The following CHRDL2 variants were observed in gnomAD, a reference collection of about 807,000 sequenced individuals.
CHRDL2 encodes chordin-like protein 2.
Under a neutral mutation model 54.3 loss-of-function variants are expected in CHRDL2, and 41 were observed. The ratio of observed to expected loss-of-function variants is 0.76; its 90% confidence interval spans 0.59 to 0.98. CHRDL2 has a LOEUF of 0.98. Among genes scored for constraint, CHRDL2 ranks in the 50% least tolerant of loss-of-function variants. The pLI is 0.00. For synonymous variants in CHRDL2, 220 were observed against 224.3 expected (o/e 0.98, Z 0.17); for missense variants, 518 against 562.4 (o/e 0.92, Z 0.80).
At chr11:74,713,853 G>C (rs1191028349) in intron 2 of CHRDL2, among the ~76,000 whole-genome samples, 1 of 152,144 alleles carries the variant, frequency 6.6e-6, no homozygotes, top group African/African-American at 2.4e-5. Flanking sequence ...GAGCCTTGTG[G>C]TCAAGAAAGG....
intron 4 of CHRDL2, among the ~76,000 whole-genome samples, chr11:74,710,639 A>C (rs1278864384): frequency 2.0e-5 from 3 of 152,140 alleles, no homozygotes; most frequent in Non-Finnish European, 4.4e-5. Context: ...GGGGAAACAG[A>C]AGGCTCAGGA....
chr11:74,728,519 G>T (rs2034604270), intron 1 of CHRDL2, among the ~76,000 whole-genome samples: 1 of 99,084 alleles, frequency 1.0e-5, no homozygotes, highest in African/African-American at 3.8e-5. Flanking sequence ...ACCCAGGTCT[G>T]TTCTGTTTTT....
At chr11:74,727,907 C>T (rs774741123) in intron 1 of CHRDL2, among the ~76,000 whole-genome samples, 2 of 152,068 alleles carry the variant, frequency 1.3e-5, no homozygotes, top group Non-Finnish European at 2.9e-5. Context: ...CACAAAGAGC[C>T]GAGTGTCTAG....
chr11:74,704,665 C>A lies in CHRDL2; in HGVS notation c.583-11G>T. Reference sequence around the variant, plus strand: ...ATCCTGAGGATGTCTCTGCAAATGGCAGGAAGGATGAAAGTCACTGACTGA... The same window carrying A: ...ATCCTGAGGATGTCTCTGCAAATGGAAGGAAGGATGAAAGTCACTGACTGA... On this transcript the variant is annotated splice_polypyrimidine_tract_variant and intron_variant, in intron 6 of 10. Coordinates refer to ENST00000376332, the MANE Select transcript of CHRDL2 (RefSeq NM_001278473.3). 2 of 1,603,040 alleles carry A rather than the reference C, an allele frequency of 1.2e-6. No homozygotes were observed. Among genetic ancestry groups the A allele is most frequent in the Non-Finnish European group, 1.7e-6 (2 of 1,175,684 alleles).
intron 9 of CHRDL2, among the ~76,000 whole-genome samples, chr11:74,700,643 A>ATTATTATTAT: frequency 7.4e-6 from 1 of 136,034 alleles, no homozygotes; most frequent in Non-Finnish European, 1.6e-5. Context: ...TATTATTATT[A>ATTATTATTAT]TTTTTTTTTT....
At chr11:74,709,088 G>A (rs571775698) in intron 4 of CHRDL2, among the ~76,000 whole-genome samples, 1 of 152,358 alleles carries the variant, frequency 6.6e-6, no homozygotes, top group Admixed American at 6.5e-5. Flanking sequence ...TCCCTTTCCA[G>A]AGGGTCTGAG....
At chr11:74,707,573 G>A (rs1352884185) in intron 5 of CHRDL2, among the ~76,000 whole-genome samples, 4 of 152,114 alleles carry the variant, frequency 2.6e-5, no homozygotes, top group East Asian at 1.9e-4. Flanking sequence ...CAGCTCTGCC[G>A]TCAGGAAGGC....
chr11:74,713,298 C>T, intron 3 of CHRDL2, 88 bp downstream of exon 3: 1 of 1,166,700 alleles, frequency 8.6e-7, no homozygotes, highest in Non-Finnish European at 1.3e-6. Context: ...GACTGCCCCT[C>T]TCCTTGCAGG....
intron 9 of CHRDL2, 55 bp downstream of exon 9, chr11:74,702,739 A>G (rs2033861852): frequency 6.3e-7 from 1 of 1,595,812 alleles, no homozygotes; most frequent in Non-Finnish European, 8.6e-7. Flanking sequence ...GGTCTGGGGC[A>G]CGGGAAGGGG....
intron 7 of CHRDL2, 100 bp from the exon 8 acceptor site, chr11:74,703,599 C>T: frequency 1.9e-6 from 2 of 1,044,578 alleles, no homozygotes; most frequent in Non-Finnish European, 2.7e-6. Flanking sequence ...GGAGCCCTCA[C>T]TTTACCAGTC....
At chr11:74,696,847 G>A (rs974251707) in intron 10 of CHRDL2, among the ~76,000 whole-genome samples, 4 of 152,156 alleles carry the variant, frequency 2.6e-5, no homozygotes, top group African/African-American at 9.6e-5. Flanking sequence ...TCCCCTCCCC[G>A]ACCTGAAACC....
At chr11:74,729,911 A>G (rs1024898463) in intron 1 of CHRDL2, among the ~76,000 whole-genome samples, 7 of 152,126 alleles carry the variant, frequency 4.6e-5, no homozygotes, top group South Asian at 2.1e-4. Flanking sequence ...TGATGATGTA[A>G]CCTGTTTGAT....
At chr11:74,701,791 C>T in intron 9 of CHRDL2, 1 of 550,860 alleles carries the variant, frequency 1.8e-6, no homozygotes, top group East Asian at 2.9e-5. Flanking sequence ...ATCATTCCCT[C>T]TTCCACCCCC....
intron 5 of CHRDL2, among the ~76,000 whole-genome samples, chr11:74,707,507 A>G (rs975356627): frequency 2.0e-5 from 3 of 152,130 alleles, no homozygotes; most frequent in African/African-American, 7.2e-5. Context: ...AAGAGGTTCT[A>G]CCTGGGTTCT....
intron 3 of CHRDL2, among the ~76,000 whole-genome samples, chr11:74,712,460 C>G (rs1426320389): frequency 6.6e-6 from 1 of 152,132 alleles, no homozygotes; most frequent in African/African-American, 2.4e-5. Context: ...GTGAGGCCCC[C>G]CAGAGTCGGC....
Position 74,713,477 on chromosome 11 carries a change from G to C in CHRDL2, c.198C>G (p.Gly66=), listed in dbSNP as rs148649478. ...GGAGGCGGTAACAACTCACATGGGC[G>C]CCCTGAAGGGGACACAAGGGTCAGC... ...MYCLRCTCSE[G]AHVSCYRLHC... Residue 66 remains glycine (G), a splice_region_variant and synonymous_variant, in exon 3 of 11, where the codon GGC becomes GGG. Transcript: ENST00000376332. 1.2e-6 allele frequency: 2 copies of C among 1,613,602 alleles called. No individual in the cohort carries two copies. The highest frequency in any genetic ancestry group is 2.7e-5 in the African/African-American group (2 of 74,920).
chr11:74,730,941 G>A lies in CHRDL2; in HGVS notation c.-53C>T. The A allele has an allele frequency of 6.9e-7, 1 of 1,454,450 alleles. No homozygotes were observed. The highest frequency in any genetic ancestry group is 1.3e-5 in the South Asian group (1 of 79,664). 90.1% of individuals were successfully genotyped at this position (1,454,450 alleles called of 1,614,324 possible). On this transcript the variant is annotated 5_prime_UTR_variant, in exon 1 of 11. Coordinates refer to ENST00000376332, the MANE Select transcript of CHRDL2 (RefSeq NM_001278473.3). ...CGGGAGCGGAGTCGGGAGGAAGGGA[G>A]ACGAAAAGGACACGGAGGCACAGGG...
At chr11:74,702,678 C>T (rs532838254) in intron 9 of CHRDL2, 116 bp downstream of exon 9, 23 of 1,003,156 alleles carry the variant, frequency 2.3e-5, no homozygotes, top group East Asian at 7.3e-5. Flanking sequence ...TTAAACCTGG[C>T]GGGGCAGCCA....
intron 4 of CHRDL2, among the ~76,000 whole-genome samples, chr11:74,710,032 C>T (rs1049740192): frequency 5.9e-5 from 9 of 151,916 alleles, no homozygotes; most frequent in East Asian, 5.8e-4. Flanking sequence ...CTGGCTAACA[C>T]GGTGAAACCC....
Sources: allele counts gnomAD v4.1 joint callset (sites outside exome capture counted in the v4.1 genomes callset), GRCh38; gene constraint gnomAD v4.1.1; transcripts MANE v1.5; gene names NCBI Gene and HGNC (gene_info 2026-07-23, HGNC 2026-07-21).